The following WT1 variants were observed in gnomAD, a reference collection of about 807,000 sequenced individuals.
WT1 encodes WT1 transcription factor, also known as Wilms tumor protein.
Under a neutral mutation model 60.8 loss-of-function variants are expected in WT1, and 8 were observed. That is an observed-to-expected ratio of 0.13 (90% CI 0.08 to 0.24). WT1 has a LOEUF of 0.24. Among genes scored for constraint, WT1 ranks in the 10% least tolerant of loss-of-function variants. The probability of loss-of-function intolerance (pLI) is 1.00; values close to 1 mark genes in which losing one functional copy is unlikely to be tolerated. For synonymous variants in WT1, 312 were observed against 297.1 expected (o/e 1.05, Z -0.52); for missense variants, 568 against 711.8 (o/e 0.80, Z 2.30).
Position 32,434,690 on chromosome 11 carries a change from G to A in WT1, c.661+10C>T, listed in dbSNP as rs1853430393. 6.2e-7 allele frequency: 1 copy of A among 1,612,760 alleles called. No homozygotes were observed. Among genetic ancestry groups the A allele is most frequent in the East Asian group, 2.2e-5 (1 of 44,866 alleles). On this transcript the variant is annotated intron_variant, in intron 1 of 9. Transcript: ENST00000452863. ...CCCCGCGCGTAGGGGGCGCTCCCCG[G>A]CCTACTTACCCTGATTGCGAATAGC...
chr11:32,419,938 C>G (rs1321188799), intron 3 of WT1, among the ~76,000 whole-genome samples: 1 of 152,190 alleles, frequency 6.6e-6, no homozygotes, highest in African/African-American at 2.4e-5. Context: ...AGGTGATCCA[C>G]CCGCCTCAGC....
rs1203721346 is a variant in WT1, at chr11:32,388,383, G to C, written c.*675C>G. 1 of 233,794 alleles carries C rather than the reference G, an allele frequency of 4.3e-6. No homozygotes were observed. Among genetic ancestry groups the C allele is most frequent in the East Asian group, 6.0e-5 (1 of 16,604 alleles). The allele number at this position is 233,794 out of a possible 1,614,324, so 14.5% of individuals were successfully genotyped here. A position where few individuals can be genotyped will look rare whatever the true frequency, so the allele number is the denominator to read the frequency against. ...ATAGTTTCTTAAGAGCAGTGTGCCA[G>C]TGTTCACATTGAATTAACTGAATGG... On this transcript the variant is annotated 3_prime_UTR_variant, in exon 10 of 10. Transcript: ENST00000452863.
chr11:32,405,608 T>C (rs1291472282), intron 5 of WT1, among the ~76,000 whole-genome samples: 1 of 144,082 alleles, frequency 6.9e-6, no homozygotes, highest in African/African-American at 2.7e-5. Flanking sequence ...AGTCATTCAT[T>C]AAGTTCCATC....
intron 1 of WT1, among the ~76,000 whole-genome samples, chr11:32,429,514 A>G (rs1217445823): frequency 7.1e-6 from 1 of 140,182 alleles, no homozygotes; most frequent in Non-Finnish European, 1.5e-5. Context: ...GTTGGAAAAC[A>G]TAGTCTTTTA....
chr11:32,399,727 C>G lies in WT1; in HGVS notation c.1113+221G>C, dbSNP rs5030262. On this transcript the variant is annotated intron_variant, in intron 6 of 9. Coordinates refer to ENST00000452863, the MANE Select transcript of WT1 (RefSeq NM_024426.6). ...CAGAAAGGAGAGGATTCTGTTAGGA[C>G]GCATCTTGCGCAGCGTCAGGCAGCG... Among the ~76,000 whole-genome samples, 242 of 152,326 alleles carry G rather than the reference C, an allele frequency of 1.6e-3. 1 individual carries two copies. Among genetic ancestry groups the G allele is most frequent in the African/African-American group, 5.5e-3 (227 of 41,558 alleles).
intron 1 of WT1, among the ~76,000 whole-genome samples, chr11:32,433,289 G>A (rs1158209374): frequency 6.6e-6 from 1 of 152,244 alleles, no homozygotes; most frequent in African/African-American, 2.4e-5. Context: ...CCTTGGGTCT[G>A]CTTGCGGTTC....
At chr11:32,431,277 C>A (rs541335452) in intron 1 of WT1, among the ~76,000 whole-genome samples, 3 of 152,294 alleles carry the variant, frequency 2.0e-5, no homozygotes, top group South Asian at 2.1e-4. Flanking sequence ...CAACAAAATA[C>A]CCTCTCCTGT....
intron 3 of WT1, among the ~76,000 whole-genome samples, chr11:32,426,059 C>A (rs529223168): frequency 1.2e-4 from 18 of 152,296 alleles, no homozygotes; most frequent in Middle Eastern, 6.8e-3. Context: ...CTCTGATGGA[C>A]CCCTTCCTAG....
At chr11:32,410,371 A>G (rs1182253749) in intron 5 of WT1, among the ~76,000 whole-genome samples, 1 of 152,178 alleles carries the variant, frequency 6.6e-6, no homozygotes, top group African/African-American at 2.4e-5. Flanking sequence ...AGCCAGCTAG[A>G]ACCCCATTTT....
chr11:32,422,758 T>G (rs1176289932), intron 3 of WT1, among the ~76,000 whole-genome samples: 1 of 152,212 alleles, frequency 6.6e-6, no homozygotes, highest in Admixed American at 6.5e-5. Flanking sequence ...AGACTAACAT[T>G]GAATGATTGC....
chr11:32,400,302 T>G, intron 5 of WT1: 1 of 550,586 alleles, frequency 1.8e-6, no homozygotes, highest in Non-Finnish European at 3.3e-6. Flanking sequence ...TAGGTCTCGC[T>G]CAGACAAGCC....
At position 32,428,581 on chromosome 11, in the gene WT1, C is replaced by T; in HGVS notation, c.700G>A (p.Gly234Ser). 1 of 1,613,890 alleles carries T rather than the reference C, an allele frequency of 6.2e-7. No homozygotes were observed. The highest frequency in any genetic ancestry group is 8.5e-7 in the Non-Finnish European group (1 of 1,180,014). ...GCCGCATGGTGCGAGGGCGTGTGAC[C>T]GTAGCTGGGCGTCCCGTCGAAGGTG... is the stretch of plus-strand genomic sequence containing the variant. Residue 234 changes from glycine (G) to serine (S), a missense_variant, in exon 2 of 10, where the codon GGT becomes AGT. This residue lies in a region of WT1 where 523 missense variants were observed against 565.1 expected (regional missense o/e 0.93). Transcript: ENST00000452863.
At chr11:32,391,388 T>A (rs1012022024) in intron 9 of WT1, among the ~76,000 whole-genome samples, 1 of 152,230 alleles carries the variant, frequency 6.6e-6, no homozygotes, top group Non-Finnish European at 1.5e-5. Flanking sequence ...GTGCTATTTT[T>A]ATTATGAATC....
intron 3 of WT1, among the ~76,000 whole-genome samples, chr11:32,424,095 G>A (rs906823765): frequency 2.7e-5 from 4 of 148,260 alleles, no homozygotes; most frequent in Non-Finnish European, 5.9e-5. Context: ...CCGGCAGGCA[G>A]AGGTTGCAGT....
Position 32,435,344 on chromosome 11 carries a change from A to C in WT1, c.17T>G (p.Leu6Arg), listed in dbSNP as rs1162651073. 4 of 1,527,774 alleles carry C rather than the reference A, an allele frequency of 2.6e-6. No homozygotes were observed. In the African/African-American group the frequency reaches 5.6e-5, roughly 21 times the overall value. The allele number at this position is 1,527,774 out of a possible 1,614,324, so 94.6% of individuals were successfully genotyped here. A position where few individuals can be genotyped will look rare whatever the true frequency, so the allele number is the denominator to read the frequency against. The change falls in exon 1 of 10, where the codon CTG (leucine) becomes CGG (arginine). Residue 6 changes from leucine (L) to arginine (R), a missense_variant. By Grantham distance (102) the Leu-to-Arg change is moderately radical. Transcript: ENST00000452863. ...GACACACGTGGAAGCCGGGTCCTGCAGCAAGAGGAAGTCCAGGATCGCGGC... is the reference window on the plus strand; with the variant it reads ...GACACACGTGGAAGCCGGGTCCTGCCGCAAGAGGAAGTCCAGGATCGCGGC...
At chr11:32,424,160 CAAAAA>C (rs10690035) in intron 3 of WT1, among the ~76,000 whole-genome samples, 12 of 92,226 alleles carry the variant, frequency 1.3e-4, no homozygotes, top group South Asian at 3.9e-4. Context: ...GATGCCATCT[CAAAAA>C]AAAAAAAAAA....
At chr11:32,402,718 A>G (rs1174176915) in intron 5 of WT1, among the ~76,000 whole-genome samples, 1 of 152,064 alleles carries the variant, frequency 6.6e-6, no homozygotes, top group Non-Finnish European at 1.5e-5. Flanking sequence ...GCTGATTTTT[A>G]TTTTTATCTT....
intron 8 of WT1, 72 bp downstream of exon 8, chr11:32,392,594 C>A (rs1851849611): frequency 1.4e-6 from 2 of 1,446,074 alleles, no homozygotes; most frequent in Admixed American, 3.4e-5. Context: ...TATTCAACAA[C>A]AAAGAGAATC....
rs141052585 is a variant in WT1 at position 32,429,109 on chromosome 11, T to C, written c.662-490A>G. Reference sequence around the variant, plus strand: ...CTTTCATTAATTACTCGGAGCCAGTTAAATGGCCTGGTCTTAAAAATGGGA... The same window carrying C: ...CTTTCATTAATTACTCGGAGCCAGTCAAATGGCCTGGTCTTAAAAATGGGA... On this transcript the variant is annotated intron_variant, in intron 1 of 9. Transcript: ENST00000452863. The C allele has an allele frequency of 3.6e-3, 962 of 269,094 alleles. 8 individuals are homozygous for C. The highest frequency in any genetic ancestry group is 0.02 in the African/African-American group (921 of 45,832). The allele number at this position is 269,094 out of a possible 1,614,324, so 16.7% of individuals were successfully genotyped here.
Sources: allele counts gnomAD v4.1 joint callset (sites outside exome capture counted in the v4.1 genomes callset), GRCh38; gene constraint gnomAD v4.1.1; regional missense constraint gnomAD v4.1.1; transcripts MANE v1.5; gene names NCBI Gene and HGNC (gene_info 2026-07-23, HGNC 2026-07-21).